The following GABRA2 variants were observed in gnomAD, a reference collection of about 807,000 sequenced individuals.
GABRA2 encodes the protein gamma-aminobutyric acid type A receptor subunit alpha2.
A neutral mutation model predicts 48.7 loss-of-function variants in GABRA2; 16 were observed. The observed-to-expected ratio is 0.33, with a 90% CI of 0.22 to 0.50. GABRA2 has a LOEUF of 0.50. Ranked by LOEUF, GABRA2 falls within the 20% of genes least tolerant of loss-of-function variation. GABRA2 has a pLI of 0.98. For synonymous variants in GABRA2, 185 were observed against 184.5 expected (o/e 1.00, Z -0.02); for missense variants, 275 against 535.6 (o/e 0.51, Z 4.80).
intron 3 of GABRA2, among the ~76,000 whole-genome samples, chr4:46,370,827 G>A (rs540672487): frequency 4.6e-5 from 7 of 151,908 alleles, no homozygotes; most frequent in Admixed American, 3.9e-4. Context: ...TCTCTACAAA[G>A]AAAAAATTGG....
chr4:46,294,593 G>A (rs1724279106), intron 8 of GABRA2, among the ~76,000 whole-genome samples: 1 of 152,164 alleles, frequency 6.6e-6, no homozygotes, highest in Non-Finnish European at 1.5e-5. Flanking sequence ...TGCCACTTGG[G>A]CCATATGACC....
intron 3 of GABRA2, among the ~76,000 whole-genome samples, chr4:46,380,978 T>C (rs1716681637): frequency 6.6e-6 from 1 of 152,176 alleles, no homozygotes; most frequent in South Asian, 2.1e-4. Flanking sequence ...TTTTTAAGCA[T>C]AAAGCATCTT....
At chr4:46,366,195 AT>A (rs1251029330) in intron 3 of GABRA2, 2 of 152,078 alleles carry the variant, frequency 1.3e-5, no homozygotes, top group Non-Finnish European at 2.9e-5. Context: ...TCTGGCTTTA[AT>A]TCACAACACC....
At chr4:46,252,044 G>T in intron 9 of GABRA2, among the ~76,000 whole-genome samples, 1 of 151,390 alleles carries the variant, frequency 6.6e-6, no homozygotes. Flanking sequence ...GGACAAATTG[G>T]TCTACAATCA....
intron 3 of GABRA2, among the ~76,000 whole-genome samples, chr4:46,373,974 TG>T (rs1656082995): frequency 6.6e-6 from 1 of 152,182 alleles, no homozygotes; most frequent in East Asian, 1.9e-4. Flanking sequence ...TGTCCTCTCT[TG>T]TGGTATCCAA....
At chr4:46,310,039 G>A (rs1727369314) in intron 6 of GABRA2, 134 bp downstream of exon 6, 2 of 604,230 alleles carry the variant, frequency 3.3e-6, no homozygotes, top group African/African-American at 1.8e-5. Flanking sequence ...AATTAGCATG[G>A]CTTTTACTTC....
intron 3 of GABRA2, among the ~76,000 whole-genome samples, chr4:46,351,920 T>C (rs537177564): frequency 2.0e-5 from 3 of 152,124 alleles, no homozygotes; most frequent in South Asian, 4.1e-4. Flanking sequence ...CTTATAAAAG[T>C]ATTCGTTATA....
At position 46,257,575 on chromosome 4, in the gene GABRA2, T is replaced by C. The variant is rs573798544; in HGVS notation, c.1059+4351A>G. On this transcript the variant is annotated intron_variant, in intron 9 of 9. Transcript: ENST00000381620. ...GCAAAAACATAATAAAAAATCTTCC[T>C]TATTATTCATTATAGAAACAAACAT... 6.1e-4 allele frequency among the ~76,000 whole-genome samples: 92 copies of C among 151,822 alleles called. 1 individual carries two copies. The highest frequency in any genetic ancestry group is 2.1e-3 in the African/African-American group (86 of 41,512).
chr4:46,262,268 A>T, intron 8 of GABRA2, 140 bp from the exon 9 acceptor site: 1 of 575,734 alleles, frequency 1.7e-6, no homozygotes, highest in Non-Finnish European at 3.1e-6. Context: ...ATGAATAAAT[A>T]CTGGAATTTA....
intron 5 of GABRA2, 131 bp downstream of exon 5, chr4:46,312,365 A>T: frequency 1.7e-6 from 1 of 578,610 alleles, no homozygotes; most frequent in Non-Finnish European, 3.0e-6. Context: ...TGCAAAGCAT[A>T]TTATTGGTAC....
intron 3 of GABRA2, chr4:46,365,590 A>G (rs1713915509): frequency 6.6e-6 from 1 of 152,158 alleles, no homozygotes; most frequent in South Asian, 2.1e-4. Flanking sequence ...TTTTACAGGA[A>G]CATTACAAAT....
At chr4:46,279,863 T>C (rs149309127) in intron 8 of GABRA2, among the ~76,000 whole-genome samples, 20 of 152,238 alleles carry the variant, frequency 1.3e-4, no homozygotes, top group Non-Finnish European at 2.4e-4. Flanking sequence ...CTATAATCTA[T>C]AGTGGATTAT....
chr4:46,366,068 C>G (rs1303190803), intron 3 of GABRA2: 1 of 152,070 alleles, frequency 6.6e-6, no homozygotes, highest in Non-Finnish European at 1.5e-5. Flanking sequence ...CTGAGATTAT[C>G]TATCTAGACT....
intron 3 of GABRA2, among the ~76,000 whole-genome samples, chr4:46,341,514 T>G (rs1459287907): frequency 6.6e-6 from 1 of 152,054 alleles, no homozygotes; most frequent in African/African-American, 2.4e-5. Flanking sequence ...TTGCAGCCAT[T>G]GAAGTCTCTG....
chr4:46,323,436 G>A (rs141934643), intron 4 of GABRA2, among the ~76,000 whole-genome samples: 21 of 151,626 alleles, frequency 1.4e-4, no homozygotes, highest in East Asian at 3.9e-4. Flanking sequence ...ACCAAACTCC[G>A]TATCTACCAC....
intron 5 of GABRA2, among the ~76,000 whole-genome samples, chr4:46,310,597 T>C (rs543975705): frequency 1.2e-4 from 19 of 152,224 alleles, no homozygotes; most frequent in Middle Eastern, 3.4e-3. Flanking sequence ...ATCTCTATCA[T>C]TAAAAGAATG....
intron 9 of GABRA2, among the ~76,000 whole-genome samples, chr4:46,259,694 C>T (rs531588434): frequency 2.6e-5 from 4 of 151,666 alleles, no homozygotes; most frequent in South Asian, 2.1e-4. Flanking sequence ...GACAGATAAC[C>T]GCATTTGCTC....
intron 3 of GABRA2, among the ~76,000 whole-genome samples, chr4:46,374,530 C>A (rs912157791): frequency 2.0e-5 from 3 of 152,050 alleles, no homozygotes; most frequent in Admixed American, 6.6e-5. Flanking sequence ...CTTCAACTTT[C>A]CTTAACCTGG....
chr4:46,355,510 G>T lies in GABRA2; in HGVS notation c.188-22828C>A, dbSNP rs116092767. Among the ~76,000 whole-genome samples the T allele has an allele frequency of 8.7e-3, 1,319 of 152,118 alleles. 17 individuals are homozygous for T. The highest frequency in any genetic ancestry group is 0.03 in the African/African-American group (1,253 of 41,480). On this transcript the variant is annotated intron_variant, in intron 3 of 9. Coordinates refer to ENST00000381620, the MANE Select transcript of GABRA2 (RefSeq NM_000807.4). ...AACTGCAAATAACTTTTCTTAAATG[G>T]ATTCTCAAATTTCCTTTTAAATCAA...
Sources: allele counts gnomAD v4.1 joint callset (sites outside exome capture counted in the v4.1 genomes callset), GRCh38; gene constraint gnomAD v4.1.1; transcripts MANE v1.5; gene names NCBI Gene and HGNC (gene_info 2026-07-23, HGNC 2026-07-21).